Variants in PPP6R3 observed in about 807,000 individuals in gnomAD.
PPP6R3 encodes protein phosphatase 6 regulatory subunit 3.
In PPP6R3, 38 loss-of-function variants were observed where a neutral mutation model predicts 110.7. The observed-to-expected ratio is 0.34, with a 90% CI of 0.26 to 0.45. PPP6R3 has a LOEUF of 0.45. Ranked by LOEUF, PPP6R3 falls within the 20% of genes least tolerant of loss-of-function variation. The pLI, the probability that PPP6R3 is intolerant of heterozygous loss-of-function variation, is 1.00. For synonymous variants in PPP6R3, 369 were observed against 373.5 expected, an observed-to-expected ratio of 0.99 and a Z score of 0.14; for missense variants, 870 against 1,062.4, an observed-to-expected ratio of 0.82 and a Z score of 2.52.
At chr11:68,557,072 C>T (rs1238956690) in intron 7 of PPP6R3, among the ~76,000 whole-genome samples, 1 of 152,236 alleles carries the variant, frequency 6.6e-6, no homozygotes, top group Non-Finnish European at 1.5e-5. Context: ...TCCACAGTCA[C>T]ATGCTGTCAG....
Position 68,511,463 on chromosome 11 carries a change from AGT to A in PPP6R3, c.-157-8007_-157-8006del, listed in dbSNP as rs111457206. 3.6e-3 allele frequency among the ~76,000 whole-genome samples: 494 copies of A among 138,134 alleles called. 5 individuals are homozygous for A. Among genetic ancestry groups the A allele is most frequent in the South Asian group, 0.029 (128 of 4,388 alleles). The allele number at this position is 138,134 out of a possible 152,430, so 90.6% of individuals were successfully genotyped here. A position where few individuals can be genotyped will look rare whatever the true frequency, so the allele number is the denominator to read the frequency against. ...CTCTGGAAATGTGTTACTGTGTTAG[AGT>A]GTGTGTGTGTGTGTGTGTGTGTGTG... On this transcript the variant is annotated intron_variant, in intron 1 of 23. Transcript: ENST00000393800.
chr11:68,609,770 G>T, intron 22 of PPP6R3, 134 bp from the exon 23 acceptor site: 1 of 1,548,564 alleles, frequency 6.5e-7, no homozygotes, highest in Non-Finnish European at 8.9e-7. Context: ...TGCACCCTGC[G>T]CATGCTCAGT....
At chr11:68,570,910 C>T in intron 11 of PPP6R3, 130 bp from the exon 12 acceptor site, 1 of 1,135,732 alleles carries the variant, frequency 8.8e-7, no homozygotes, top group Non-Finnish European at 1.2e-6. Flanking sequence ...GATCACATTG[C>T]ATTTGGCTTA....
intron 14 of PPP6R3, among the ~76,000 whole-genome samples, chr11:68,577,387 A>C (rs530273118): frequency 1.1e-4 from 17 of 152,308 alleles, no homozygotes; most frequent in South Asian, 2.1e-4. Flanking sequence ...ATTCCTTTGC[A>C]GGCAATATAG....
intron 3 of PPP6R3, among the ~76,000 whole-genome samples, chr11:68,544,171 G>A (rs2099335466): frequency 6.6e-6 from 1 of 152,140 alleles, no homozygotes; most frequent in Non-Finnish European, 1.5e-5. Context: ...GCTCTTTGTA[G>A]CCTCAAACTT....
chr11:68,482,846 T>A (rs1240815387), intron 1 of PPP6R3, among the ~76,000 whole-genome samples: 3 of 152,202 alleles, frequency 2.0e-5, no homozygotes, highest in Non-Finnish European at 4.4e-5. Flanking sequence ...TATGTGTGTT[T>A]TATATAAATA....
At chr11:68,578,006 A>G (rs1300930647) in intron 14 of PPP6R3, among the ~76,000 whole-genome samples, 1 of 152,164 alleles carries the variant, frequency 6.6e-6, no homozygotes, top group Non-Finnish European at 1.5e-5. Flanking sequence ...GTGGATCTAA[A>G]TACTTCTTCA....
At chr11:68,535,141 T>C (rs952178110) in intron 2 of PPP6R3, among the ~76,000 whole-genome samples, 1 of 152,190 alleles carries the variant, frequency 6.6e-6, no homozygotes, top group Non-Finnish European at 1.5e-5. Context: ...TTCTTTAATA[T>C]TTGTATTAGA....
At chr11:68,603,601 C>T (rs1246208824) in intron 22 of PPP6R3, 109 bp downstream of exon 22, 6 of 1,323,602 alleles carry the variant, frequency 4.5e-6, no homozygotes, top group African/African-American at 1.5e-5. Context: ...TGTTCAGATA[C>T]TAGCTTGATG....
intron 3 of PPP6R3, among the ~76,000 whole-genome samples, chr11:68,542,545 C>T (rs539093044): frequency 7.2e-5 from 11 of 151,946 alleles, no homozygotes; most frequent in Middle Eastern, 3.4e-3. Context: ...AGGTGTGTGC[C>T]ACCACACCTG....
chr11:68,497,768 G>T (rs2099026246), intron 1 of PPP6R3, among the ~76,000 whole-genome samples: 1 of 152,094 alleles, frequency 6.6e-6, no homozygotes, highest in Admixed American at 6.5e-5. Context: ...AATTTGAAGT[G>T]CAATTTATCT....
At chr11:68,493,918 C>T (rs1335040301) in intron 1 of PPP6R3, among the ~76,000 whole-genome samples, 1 of 149,020 alleles carries the variant, frequency 6.7e-6, no homozygotes, top group East Asian at 2.0e-4. Flanking sequence ...TTGGCTAACA[C>T]GGTATAACCC....
intron 1 of PPP6R3, among the ~76,000 whole-genome samples, 171 bp from the exon 2 acceptor site, chr11:68,519,330 T>C (rs906336289): frequency 6.6e-6 from 1 of 152,206 alleles, no homozygotes; most frequent in South Asian, 2.1e-4. Flanking sequence ...ATGACAGTGC[T>C]TTTTTTCTTA....
intron 15 of PPP6R3, among the ~76,000 whole-genome samples, chr11:68,585,365 T>G (rs2099574984): frequency 6.6e-6 from 1 of 152,194 alleles, no homozygotes; most frequent in African/African-American, 2.4e-5. Context: ...TTAGGCCACA[T>G]TTAGTTGACC....
Position 68,513,597 on chromosome 11 carries a change from G to A in PPP6R3, c.-157-5904G>A, listed in dbSNP as rs76943413. Among the ~76,000 whole-genome samples the A allele has an allele frequency of 6.3e-3, 966 of 152,274 alleles. 9 individuals are homozygous for A. The highest frequency in any genetic ancestry group is 0.021 in the African/African-American group (892 of 41,552). On this transcript the variant is annotated intron_variant, in intron 1 of 23. Coordinates refer to ENST00000393800, the MANE Select transcript of PPP6R3 (RefSeq NM_001164161.2). ...AACAGGTGTTTCGAAGATCATAGACGTAGTGAAGACAGACAAAAACTACAA... is the reference window on the plus strand; with the variant it reads ...AACAGGTGTTTCGAAGATCATAGACATAGTGAAGACAGACAAAAACTACAA...
chr11:68,477,872 A>G (rs1295551841), intron 1 of PPP6R3, among the ~76,000 whole-genome samples: 1 of 149,082 alleles, frequency 6.7e-6, no homozygotes, highest in East Asian at 2.0e-4. Flanking sequence ...ATTCTGTAGC[A>G]CTCAGTTTTT....
chr11:68,568,266 C>A (rs1267623341), intron 10 of PPP6R3, among the ~76,000 whole-genome samples: 1 of 152,134 alleles, frequency 6.6e-6, no homozygotes, highest in Admixed American at 6.5e-5. Flanking sequence ...TATAAAACTC[C>A]GGGAATATAA....
At chr11:68,543,789 G>A (rs1253586991) in intron 3 of PPP6R3, among the ~76,000 whole-genome samples, 10 of 152,194 alleles carry the variant, frequency 6.6e-5, no homozygotes, top group South Asian at 2.1e-4. Flanking sequence ...CTAGAGTATC[G>A]TCTGGATAGG....
intron 14 of PPP6R3, among the ~76,000 whole-genome samples, chr11:68,581,473 G>C (rs1306577679): frequency 6.6e-6 from 1 of 152,220 alleles, no homozygotes; most frequent in Non-Finnish European, 1.5e-5. Context: ...GTCCTATTTT[G>C]CTCAGTTCTT....
Sources: gnomAD v4.1 joint callset for allele counts (sites outside exome capture counted in the v4.1 genomes callset) on GRCh38, gnomAD v4.1.1 for gene constraint, MANE v1.5 for transcripts, NCBI Gene and HGNC (gene_info 2026-07-23, HGNC 2026-07-21) for gene names.